Variants in POU2F2 observed in about 807,000 individuals in gnomAD.
POU2F2 encodes POU domain, class 2, transcription factor 2.
POU2F2 carries 14 observed loss-of-function variants against 63.5 expected under a neutral mutation model. The observed-to-expected ratio is 0.22, with a 90% confidence interval of 0.15 to 0.34. The LOEUF is 0.34. Ranked by LOEUF, POU2F2 falls within the 10% of genes least tolerant of loss-of-function variation. POU2F2 has a pLI of 1.00. For synonymous variants in POU2F2, 306 were observed against 348.6 expected, an observed-to-expected ratio of 0.88 and a Z score of 1.36; for missense variants, 607 against 815.2, an observed-to-expected ratio of 0.74 and a Z score of 3.11.
At position 42,089,714 on chromosome 19, in the gene POU2F2, ATATATATATATATATATGTT is replaced by A. The variant is rs1417416215; in HGVS notation, c.*1523_*1542del. The stretch of plus-strand genomic sequence containing the variant: ...AGTCCTCATCTTCTTTCCCTTTTAT[ATATATATATATATATATGTT>A]TATATATATATATAAATTTTTTTTC... On this transcript the variant is annotated 3_prime_UTR_variant, in exon 15 of 15. Transcript: ENST00000692977. The A allele has an allele frequency of 2.0e-5, 3 of 146,898 alleles. No homozygotes were observed. The highest frequency in any genetic ancestry group is 2.1e-4 in the South Asian group (1 of 4,718). 9.1% of individuals were successfully genotyped at this position (146,898 alleles called of 1,614,324 possible).
rs1425005475 is a variant in POU2F2, at chr19:42,089,720, ATATATATATATGTT to A, written c.*1523_*1536del. ...CATCTTCTTTCCCTTTTATATATATATATATATATATGTTTATATATATATATAAATTTTTTTTC... is the reference window on the plus strand; with the variant it reads ...CATCTTCTTTCCCTTTTATATATATATATATATATATATAAATTTTTTTTC... On this transcript the variant is annotated 3_prime_UTR_variant, in exon 15 of 15. Transcript: ENST00000692977. 3 of 147,246 alleles carry A rather than the reference ATATATATATATGTT, an allele frequency of 2.0e-5. No homozygotes were observed. The highest frequency in any genetic ancestry group is 4.9e-5 in the African/African-American group (2 of 40,560). 9.1% of individuals were successfully genotyped at this position (147,246 alleles called of 1,614,324 possible).
At chr19:42,190,081 G>A (rs962480854) in intron 1 of POU2F2, among the ~76,000 whole-genome samples, 9 of 152,024 alleles carry the variant, frequency 5.9e-5, no homozygotes, top group African/African-American at 2.2e-4. Context: ...TGTATCTATA[G>A]GTTAAGAAGG....
intron 2 of POU2F2, among the ~76,000 whole-genome samples, chr19:42,159,532 A>T (rs558848634): frequency 6.6e-6 from 1 of 152,238 alleles, no homozygotes; most frequent in African/African-American, 2.4e-5. Flanking sequence ...CCCACCCCAG[A>T]AGCCCTGTCC....
At chr19:42,110,139 T>G (rs1470921757) in intron 5 of POU2F2, among the ~76,000 whole-genome samples, 2 of 151,504 alleles carry the variant, frequency 1.3e-5, no homozygotes, top group South Asian at 2.1e-4. Flanking sequence ...GGTACATGCC[T>G]GTAGTCTCAG....
chr19:42,087,639 G>A lies in POU2F2; in HGVS notation c.*3618C>T, dbSNP rs2146245327. 1 of 147,928 alleles carries A rather than the reference G, an allele frequency of 6.8e-6. No homozygotes were observed. Among genetic ancestry groups the A allele is most frequent in the Non-Finnish European group, 1.5e-5 (1 of 67,418 alleles). 9.2% of individuals were successfully genotyped at this position (147,928 alleles called of 1,614,324 possible). ...GGCACAATGAAAAGGCCCACCATTA[G>A]GGTAGACCCAGTCTCTGTCCCTCCC... On this transcript the variant is annotated 3_prime_UTR_variant, in exon 15 of 15. Transcript: ENST00000692977.
At chr19:42,099,376 G>A (rs2077041919) in intron 7 of POU2F2, 151 bp downstream of exon 7, 1 of 685,754 alleles carries the variant, frequency 1.5e-6, no homozygotes, top group Non-Finnish European at 2.5e-6. Flanking sequence ...ACAGGGAGAT[G>A]GGCTTGCCTG....
At position 42,175,760 on chromosome 19, in the gene POU2F2, C is replaced by T. The variant is rs1051103693; in HGVS notation, c.-70+203G>A. ...TTTGTCCAGAGAGCTGAGGGGTGCA[C>T]CGCGGCTCCCCAACCTCACTCTGGG... On this transcript the variant is annotated intron_variant, in intron 1 of 6. Transcript: ENST00000524801. 2.0e-5 allele frequency among the ~76,000 whole-genome samples: 3 copies of T among 152,132 alleles called. No homozygotes were observed. In the East Asian group the frequency reaches 5.8e-4, roughly 29 times the overall value.
rs529311213 is a variant in POU2F2, at chr19:42,096,886, G to A, written c.568-643C>T. On this transcript the variant is annotated intron_variant, in intron 7 of 14. Transcript: ENST00000692977. This position sits in a 1 kb window ranked among gnomAD's most constrained non-coding sequence, Gnocchi z 4.1. Reference sequence around the variant, plus strand: ...TGATGCAGGAAGCTGTGCATGTGTAGGGGCAGAGATAGATGGGATATCTCT... The same window carrying A: ...TGATGCAGGAAGCTGTGCATGTGTAAGGGCAGAGATAGATGGGATATCTCT... Among the ~76,000 whole-genome samples the A allele has an allele frequency of 1.3e-5, 2 of 152,184 alleles. No homozygotes were observed. Among genetic ancestry groups the A allele is most frequent in the Non-Finnish European group, 2.9e-5 (2 of 68,040 alleles).
intron 4 of POU2F2, among the ~76,000 whole-genome samples, chr19:42,118,193 G>A (rs1226687706): frequency 6.6e-6 from 1 of 152,168 alleles, no homozygotes; most frequent in Non-Finnish European, 1.5e-5. Flanking sequence ...CCAAAATGCT[G>A]GAATTAGAGG....
chr19:42,126,135 A>G (rs1302045653), intron 1 of POU2F2, among the ~76,000 whole-genome samples: 2 of 152,164 alleles, frequency 1.3e-5, no homozygotes, highest in African/African-American at 4.8e-5. Context: ...CCTTACTACA[A>G]TCTGACTGGC....
upstream of POU2F2, chr19:42,133,462 C>G (rs1057502968): frequency 6.5e-6 from 1 of 154,668 alleles, no homozygotes; most frequent in Non-Finnish European, 1.5e-5. The surrounding 1 kb of genome is among the most constrained non-coding windows in gnomAD (Gnocchi z 5.1). Flanking sequence ...AGGTCTGAGG[C>G]TGTGGGGCTG....
chr19:42,088,927 A>G lies in POU2F2; in HGVS notation c.*2330T>C, dbSNP rs1285784170. ...TCTGCTGCCTCCGTCGCCCAGCCCAACAGTTTCATTTCCCGGGTGGGAGAA... is the reference window on the plus strand; with the variant it reads ...TCTGCTGCCTCCGTCGCCCAGCCCAGCAGTTTCATTTCCCGGGTGGGAGAA... On this transcript the variant is annotated 3_prime_UTR_variant, in exon 15 of 15. Coordinates refer to ENST00000692977, the MANE Select transcript of POU2F2 (RefSeq NM_001394376.1). 5 of 152,620 alleles carry G rather than the reference A, an allele frequency of 3.3e-5. No homozygotes were observed. Among genetic ancestry groups the G allele is most frequent in the African/African-American group, 4.8e-5 (2 of 41,436 alleles). 9.5% of individuals were successfully genotyped at this position (152,620 alleles called of 1,614,324 possible). A position where few individuals can be genotyped will look rare whatever the true frequency, so the allele number is the denominator to read the frequency against.
rs923859357 is a variant in POU2F2, at chr19:42,153,441, T to G, written c.-9+6891A>C. 5.3e-5 allele frequency among the ~76,000 whole-genome samples: 8 copies of G among 152,166 alleles called. No homozygotes were observed. Among genetic ancestry groups the G allele is most frequent in the African/African-American group, 1.9e-4 (8 of 41,432 alleles). ...TTAATGGGGTAGCTATGTGTTCCCA[T>G]GTGCTCTGGGAAGCCTGTGTGTGTT... On this transcript the variant is annotated intron_variant, in intron 2 of 6. Coordinates refer to the POU2F2 transcript ENST00000524801. The surrounding 1 kb of genome is among the most constrained non-coding windows in gnomAD (Gnocchi z 5.6).
At chr19:42,173,558 A>G (rs995318523) in intron 1 of POU2F2, among the ~76,000 whole-genome samples, 15 of 150,638 alleles carry the variant, frequency 1.0e-4, no homozygotes, top group Admixed American at 5.9e-4. Context: ...CGGACTTGCT[A>G]GAAAAAAAAA....
At chr19:42,175,447 T>G (rs1397226161) in intron 1 of POU2F2, among the ~76,000 whole-genome samples, 3 of 139,048 alleles carry the variant, frequency 2.2e-5, no homozygotes, top group Admixed American at 7.4e-5. Context: ...GGGAAATGAG[T>G]GGCAGGAAGG....
At chr19:42,180,722 CTGTT>C (rs532114440), upstream of POU2F2, among the ~76,000 whole-genome samples, 63 of 152,076 alleles carry the variant, frequency 4.1e-4, no homozygotes, top group Middle Eastern at 6.8e-3. Context: ...CAATGTTTGT[CTGTT>C]TGTTTGTTTG....
Position 42,096,258 on chromosome 19 carries a change from A to G in POU2F2, c.568-15T>C, listed in dbSNP as rs2076918274. 2.3e-6 allele frequency: 2 copies of G among 874,880 alleles called. No homozygotes were observed. The highest frequency in any genetic ancestry group is 2.2e-5 in the Admixed American group (1 of 45,360). The allele number at this position is 874,880 out of a possible 1,614,324, so 54.2% of individuals were successfully genotyped here. A position where few individuals can be genotyped will look rare whatever the true frequency, so the allele number is the denominator to read the frequency against. On this transcript the variant is annotated splice_polypyrimidine_tract_variant and intron_variant, in intron 7 of 14. Transcript: ENST00000692977. This position sits in a 1 kb window ranked among gnomAD's most constrained non-coding sequence, Gnocchi z 4.1. ...CGGGTCACGGCCTGGTGGGGTGGGC[A>G]GGTGGGTGGGATGCAGGGCGGAGGA...
At chr19:42,185,199 C>T (rs746098126) in intron 1 of POU2F2, among the ~76,000 whole-genome samples, 5 of 152,082 alleles carry the variant, frequency 3.3e-5, no homozygotes, top group East Asian at 1.9e-4. Context: ...AGAGTTCAAC[C>T]GAGTATTTCT....
intron 5 of POU2F2, among the ~76,000 whole-genome samples, chr19:42,102,875 C>A (rs933857136): frequency 6.6e-6 from 1 of 152,112 alleles, no homozygotes; most frequent in African/African-American, 2.4e-5. Context: ...TTTACACACA[C>A]AATCCAATGG....
Sources: allele counts gnomAD v4.1 joint callset (sites outside exome capture counted in the v4.1 genomes callset), GRCh38; gene constraint gnomAD v4.1.1; non-coding constraint Gnocchi (gnomAD v3.1); transcripts MANE v1.5; gene names NCBI Gene and HGNC (gene_info 2026-07-23, HGNC 2026-07-21).